Variants in ZKSCAN8 observed in about 807,000 individuals in gnomAD.
ZKSCAN8 encodes the protein zinc finger protein with KRAB and SCAN domains 8.
Under a neutral mutation model 57.2 loss-of-function variants are expected in ZKSCAN8, and 27 were observed. The ratio of observed to expected loss-of-function variants is 0.47; its 90% CI spans 0.35 to 0.65. ZKSCAN8 has a LOEUF of 0.65. Among genes scored for constraint, ZKSCAN8 ranks in the 30% least tolerant of loss-of-function variants. The pLI is 0.01. For missense variants in ZKSCAN8, 597 were observed against 696.3 expected (o/e 0.86, Z 1.60); for synonymous variants, 214 against 248.7 (o/e 0.86, Z 1.31).
intron 1 of ZKSCAN8, among the ~76,000 whole-genome samples, chr6:28,146,773 A>G (rs1765411723): frequency 6.6e-6 from 1 of 152,202 alleles, no homozygotes; most frequent in South Asian, 2.1e-4. Flanking sequence ...AGGTCAATAA[A>G]CAGAACAGAG....
rs972505746 is a variant in ZKSCAN8, at chr6:28,151,854, C to CTTCCCAGAGTCCTACTCG, written c.578_595dup (p.Ser193_Gln198dup). The CTTCCCAGAGTCCTACTCG allele has an allele frequency of 1.2e-6, 2 of 1,613,974 alleles. No homozygotes were observed. Among genetic ancestry groups the CTTCCCAGAGTCCTACTCG allele is most frequent in the African/African-American group, 2.7e-5 (2 of 74,930 alleles). On this transcript the variant is annotated inframe_insertion, in exon 4 of 6. Coordinates refer to ENST00000330236, the MANE Select transcript of ZKSCAN8 (RefSeq NM_006298.4). ...TCCTTTCTCCTCTCAGCCATGTCTA[C>CTTCCCAGAGTCCTACTCG]TTCCCAGAGTCCTACTCGTTCCCAG... is the stretch of plus-strand genomic sequence containing the variant.
chr6:28,142,954 T>C (rs1765266873), intron 1 of ZKSCAN8, among the ~76,000 whole-genome samples: 1 of 152,252 alleles, frequency 6.6e-6, no homozygotes, highest in African/African-American at 2.4e-5. Flanking sequence ...CAAACATTTC[T>C]CAAATTAGAC....
intron 1 of ZKSCAN8, among the ~76,000 whole-genome samples, chr6:28,145,014 G>A (rs1024287295): frequency 4.6e-5 from 7 of 151,994 alleles, no homozygotes; most frequent in African/African-American, 4.8e-5. Flanking sequence ...CCGAGTTCGC[G>A]CCACTGCACT....
chr6:28,154,121 T>C lies in ZKSCAN8; in HGVS notation c.*104T>C, dbSNP rs1765703763. ...AAAGGCAGAAAGGTCATCACAACTT[T>C]AGTGTCAGAATCTATAGTGGTGGCA... On this transcript the variant is annotated 3_prime_UTR_variant, in exon 6 of 6. Transcript: ENST00000330236. 2 of 1,475,064 alleles carry C rather than the reference T, an allele frequency of 1.4e-6. No individual in the cohort carries two copies. Among genetic ancestry groups the C allele is most frequent in the Non-Finnish European group, 1.8e-6 (2 of 1,112,970 alleles). 91.4% of individuals were successfully genotyped at this position (1,475,064 alleles called of 1,614,324 possible).
rs549979845 is a variant in ZKSCAN8 at position 28,155,525 on chromosome 6, T to A, written c.*1508T>A. Reference sequence around the variant, plus strand: ...TTACACTTTAGTTTTACCATTTGAGTAGCCACTTATTCACCAGAGTTGGAA... The same window carrying A: ...TTACACTTTAGTTTTACCATTTGAGAAGCCACTTATTCACCAGAGTTGGAA... On this transcript the variant is annotated 3_prime_UTR_variant, in exon 6 of 6. Coordinates refer to ENST00000330236, the MANE Select transcript of ZKSCAN8 (RefSeq NM_006298.4). 1 of 152,300 alleles carries A rather than the reference T, an allele frequency of 6.6e-6. No homozygotes were observed. Among genetic ancestry groups the A allele is most frequent in the East Asian group, 1.9e-4 (1 of 5,182 alleles). The allele number at this position is 152,300 out of a possible 1,614,324, so 9.4% of individuals were successfully genotyped here.
rs745954126 is a variant in ZKSCAN8, at chr6:28,148,859, G to T, written c.417+35G>T. On this transcript the variant is annotated intron_variant, in intron 2 of 5. Coordinates refer to ENST00000330236, the MANE Select transcript of ZKSCAN8 (RefSeq NM_006298.4). ...AGGAGGTATGCGTGCTATGACTGTG[G>T]GAGTCCTGGAAGCTTGGTAGAGGGA... The T allele has an allele frequency of 7.0e-6, 11 of 1,576,346 alleles. No individual in the cohort carries two copies. The African/African-American group carries it at 1.5e-4, about 21-fold the overall frequency.
rs1289919772 is a variant in ZKSCAN8 at position 28,153,081 on chromosome 6, G to A, written c.801G>A (p.Arg267=). 6.2e-7 allele frequency: 1 copy of A among 1,614,064 alleles called. No homozygotes were observed. Among genetic ancestry groups the A allele is most frequent in the Non-Finnish European group, 8.5e-7 (1 of 1,180,006 alleles). Residue 267 remains arginine (R), a synonymous_variant, in exon 6 of 6, where the codon AGG becomes AGA. Transcript: ENST00000330236. ...SLGGETRSEN[R]ELASKQVIST... is the part of the protein sequence containing the mutation. ...GTGGTGAGACCAGGAGTGAGAACAGGGAATTAGCTTCAAAACAGGTAATAT... is the reference window on the plus strand; with the variant it reads ...GTGGTGAGACCAGGAGTGAGAACAGAGAATTAGCTTCAAAACAGGTAATAT...
chr6:28,151,286 G>A (rs973603471), intron 3 of ZKSCAN8, among the ~76,000 whole-genome samples: 1 of 152,032 alleles, frequency 6.6e-6, no homozygotes, highest in African/African-American at 2.4e-5. Flanking sequence ...ATGTGATTTA[G>A]AGTAGTTTAT....
intron 1 of ZKSCAN8, among the ~76,000 whole-genome samples, chr6:28,145,698 A>G (rs762259409): frequency 2.0e-5 from 3 of 152,204 alleles, no homozygotes; most frequent in Non-Finnish European, 2.9e-5. Context: ...TTGCAGCTGC[A>G]CAACTCCATC....
In ZKSCAN8 at chr6:28,147,407, G is replaced by A. The variant is rs539299534; in HGVS notation, c.-92-909G>A. ...AACAATATCAAGTGCTAGTCAGATT[G>A]GAAAACAGTTTTGCAGTTTCTTATA... is the stretch of plus-strand genomic sequence containing the variant. On this transcript the variant is annotated intron_variant, in intron 1 of 5. Coordinates refer to ENST00000330236, the MANE Select transcript of ZKSCAN8 (RefSeq NM_006298.4). Among the ~76,000 whole-genome samples, 3 of 152,196 alleles carry A rather than the reference G, an allele frequency of 2.0e-5. No homozygotes were observed. The East Asian group carries it at 5.8e-4, about 29-fold the overall frequency.
At chr6:28,142,843 G>T (rs1765263207) in intron 1 of ZKSCAN8, among the ~76,000 whole-genome samples, 1 of 152,174 alleles carries the variant, frequency 6.6e-6, no homozygotes, top group Non-Finnish European at 1.5e-5. Flanking sequence ...AAAACTTTCA[G>T]CTAATGCAAT....
Position 28,144,050 on chromosome 6 carries a change from A to G in ZKSCAN8, c.-93+2021A>G, listed in dbSNP as rs1372408877. 6.6e-6 allele frequency among the ~76,000 whole-genome samples: 1 copy of G among 152,134 alleles called. No individual in the cohort carries two copies. Among genetic ancestry groups the G allele is most frequent in the Non-Finnish European group, 1.5e-5 (1 of 68,036 alleles). On this transcript the variant is annotated intron_variant, in intron 1 of 5. Coordinates refer to ENST00000330236, the MANE Select transcript of ZKSCAN8 (RefSeq NM_006298.4). This position sits in a 1 kb window ranked among gnomAD's most constrained non-coding sequence, Gnocchi z 4.5. ...ATCAATGAACTATACCCCCAATGTT[A>G]ATTGATATATTTAACCATATCTTTT...
intron 2 of ZKSCAN8, 123 bp downstream of exon 2, chr6:28,148,947 T>C: frequency 1.7e-6 from 2 of 1,146,142 alleles, no homozygotes; most frequent in Non-Finnish European, 2.4e-6. Context: ...AGGATGACAA[T>C]AGTTTTAGTG....
chr6:28,149,572 A>G lies in ZKSCAN8; in HGVS notation c.507A>G (p.Gln169=), dbSNP rs367910647. Residue 169 remains glutamine (Q), a synonymous_variant, in exon 3 of 6, where the codon CAA becomes CAG. Transcript: ENST00000330236. Reference sequence around the variant, plus strand: ...CAGAGCCTCCAAATACTCAGCTCCAATCTGAGGCAACCCAACATAAATCTC... The same window carrying G: ...CAGAGCCTCCAAATACTCAGCTCCAGTCTGAGGCAACCCAACATAAATCTC... ...SAPEPPNTQL[Q]SEATQHKSPV... The G allele has an allele frequency of 1.2e-6, 2 of 1,614,072 alleles. No homozygotes were observed. The highest frequency in any genetic ancestry group is 1.7e-5 in the Admixed American group (1 of 60,012).
rs1444424537 is a variant in ZKSCAN8, at chr6:28,148,689, G to A, written c.282G>A (p.Leu94=). ...LNTKEQILEL[L]VLEQFLTILP... is the part of the protein sequence containing the mutation. ...CCAAGGAACAGATCCTGGAGCTGCT[G>A]GTGCTGGAGCAGTTCTTGACCATCC... Residue 94 remains leucine (L), a synonymous_variant, in exon 2 of 6, where the codon CTG becomes CTA. Coordinates refer to ENST00000330236, the MANE Select transcript of ZKSCAN8 (RefSeq NM_006298.4). 1.2e-6 allele frequency: 2 copies of A among 1,614,072 alleles called. No individual in the cohort carries two copies. Among genetic ancestry groups the A allele is most frequent in the African/African-American group, 2.7e-5 (2 of 74,924 alleles).
In ZKSCAN8 at chr6:28,151,909, A is replaced by T; in HGVS notation, c.624A>T (p.Thr208=). The T allele has an allele frequency of 6.2e-7, 1 of 1,614,190 alleles. No homozygotes were observed. The highest frequency in any genetic ancestry group is 1.1e-5 in the South Asian group (1 of 91,090). ...GAAGTTCTGGAGACCAGGAAATGACAGCTACACTTCTCACAGCAGGGTTCC... is the reference window on the plus strand; with the variant it reads ...GAAGTTCTGGAGACCAGGAAATGACTGCTACACTTCTCACAGCAGGGTTCC... ...QKGSSGDQEM[T]ATLLTAGFQT... Residue 208 remains threonine, a synonymous_variant, in exon 4 of 6, where the codon ACA becomes ACT. Transcript: ENST00000330236.
At chr6:28,149,648 G>A in intron 3 of ZKSCAN8, 24 bp downstream of exon 3, 1 of 1,612,640 alleles carries the variant, frequency 6.2e-7, no homozygotes, top group African/African-American at 1.3e-5. Flanking sequence ...TTTCATTGAT[G>A]ATAAGGGGGG....
At position 28,148,815 on chromosome 6, in the gene ZKSCAN8, A is replaced by G; in HGVS notation, c.408A>G (p.Leu136=). ...LEDLERQIDI[L]GRPVSARVHG... is the part of the protein sequence containing the mutation. ...ATTTGGAAAGGCAGATTGATATACTAGGACGACCAGTAAGTAGAAGGAGGT... is the reference window on the plus strand; with the variant it reads ...ATTTGGAAAGGCAGATTGATATACTGGGACGACCAGTAAGTAGAAGGAGGT... Residue 136 remains leucine, a synonymous_variant, in exon 2 of 6, where the codon CTA becomes CTG. Coordinates refer to ENST00000330236, the MANE Select transcript of ZKSCAN8 (RefSeq NM_006298.4). The G allele has an allele frequency of 6.2e-7, 1 of 1,612,254 alleles. No individual in the cohort carries two copies. The highest frequency in any genetic ancestry group is 8.5e-7 in the Non-Finnish European group (1 of 1,178,758).
rs1765620465 is a variant in ZKSCAN8, at chr6:28,152,390, G to A, written c.775+6G>A. On this transcript the variant is annotated splice_donor_region_variant and intron_variant, in intron 5 of 5. Transcript: ENST00000330236. The stretch of plus-strand genomic sequence containing the variant: ...CAGAAACATGTTCTCCCTGGGTAAG[G>A]AGAGGTGTGGTTATTATTGTCATTT... The A allele has an allele frequency of 6.2e-7, 1 of 1,600,940 alleles. No individual in the cohort carries two copies. The highest frequency in any genetic ancestry group is 1.4e-5 in the African/African-American group (1 of 73,936).
Sources: allele counts gnomAD v4.1 joint callset (sites outside exome capture counted in the v4.1 genomes callset), GRCh38; gene constraint gnomAD v4.1.1; non-coding constraint Gnocchi (gnomAD v3.1); transcripts MANE v1.5; gene names NCBI Gene and HGNC (gene_info 2026-07-23, HGNC 2026-07-21).